The following CADM2 variants were observed in gnomAD, a reference collection of about 807,000 sequenced individuals.
CADM2 encodes immunoglobulin superfamily member 4D.
Under a neutral mutation model 49.8 loss-of-function variants are expected in CADM2, and 12 were observed. The observed-to-expected ratio is 0.24, with a 90% CI of 0.15 to 0.39. The LOEUF is 0.39. Ranked by LOEUF, CADM2 falls within the 10% of genes least tolerant of loss-of-function variation. The pLI, the probability that CADM2 is intolerant of heterozygous loss-of-function variation, is 1.00. For synonymous variants in CADM2, 214 were observed against 175.4 expected, an observed-to-expected ratio of 1.22 and a Z score of -1.74; for missense variants, 378 against 492.3, an observed-to-expected ratio of 0.77 and a Z score of 2.20.
chr3:85,356,326 T>C (rs1340342367), intron 1 of CADM2, among the ~76,000 whole-genome samples: 2 of 151,992 alleles, frequency 1.3e-5, no homozygotes, highest in Admixed American at 6.6e-5. Flanking sequence ...AAAAAAATAC[T>C]AGGGAGTTGC....
chr3:85,881,446 A>C (rs2108384732), intron 3 of CADM2, among the ~76,000 whole-genome samples: 1 of 152,172 alleles, frequency 6.6e-6, no homozygotes, highest in East Asian at 1.9e-4. Context: ...ATGACTAGTA[A>C]GTTTTTTTTA....
intron 1 of CADM2, among the ~76,000 whole-genome samples, chr3:85,292,316 T>A (rs1005606008): frequency 1.3e-5 from 2 of 150,570 alleles, no homozygotes; most frequent in African/African-American, 5.0e-5. Flanking sequence ...ACAAAGAGAC[T>A]TAGACTCCCA....
At chr3:85,005,742 C>T (rs2033687311) in intron 1 of CADM2, among the ~76,000 whole-genome samples, 1 of 151,152 alleles carries the variant, frequency 6.6e-6, no homozygotes, top group Non-Finnish European at 1.5e-5. Flanking sequence ...TTTTCACTGA[C>T]CTGATTTGGA....
intron 1 of CADM2, among the ~76,000 whole-genome samples, chr3:85,012,748 A>T (rs1337142866): frequency 6.6e-6 from 1 of 151,264 alleles, no homozygotes; most frequent in Non-Finnish European, 1.5e-5. Flanking sequence ...GAATTCAGTT[A>T]TAATTTATTT....
intron 1 of CADM2, among the ~76,000 whole-genome samples, chr3:85,092,896 G>A (rs2037651298): frequency 6.6e-6 from 1 of 152,086 alleles, no homozygotes. Context: ...TTACAGCTTT[G>A]AATTTACCTT....
rs796460502 is a variant in CADM2 at position 85,880,063 on chromosome 3, A to G, written c.239-3228A>G. On this transcript the variant is annotated intron_variant, in intron 3 of 9. Coordinates refer to ENST00000383699, the MANE Select transcript of CADM2 (RefSeq NM_001167675.2). Reference sequence around the variant, plus strand: ...CCAAACGCTGTTCTCTACCTCTATAATTTTGTTATCTCAAAACATCATATA... The same window carrying G: ...CCAAACGCTGTTCTCTACCTCTATAGTTTTGTTATCTCAAAACATCATATA... 1.2e-4 allele frequency among the ~76,000 whole-genome samples: 19 copies of G among 152,118 alleles called. 2 individuals carry two copies. In the South Asian group the frequency reaches 3.3e-3, roughly 27 times the overall value.
At chr3:85,393,240 T>C (rs1352930620) in intron 1 of CADM2, among the ~76,000 whole-genome samples, 1 of 152,120 alleles carries the variant, frequency 6.6e-6, no homozygotes, top group East Asian at 1.9e-4. Flanking sequence ...GTTTTGAGTT[T>C]AGGTGTTCAG....
At chr3:85,029,360 T>C (rs1337822325) in intron 1 of CADM2, among the ~76,000 whole-genome samples, 1 of 152,132 alleles carries the variant, frequency 6.6e-6, no homozygotes, top group Non-Finnish European at 1.5e-5. Flanking sequence ...AAAATGGTCT[T>C]TCTATGGTGT....
At chr3:85,246,298 G>T (rs1322466623) in intron 1 of CADM2, among the ~76,000 whole-genome samples, 1 of 152,040 alleles carries the variant, frequency 6.6e-6, no homozygotes, top group Non-Finnish European at 1.5e-5. Context: ...GCCTGTTGTG[G>T]GGTGGGGGAA....
In CADM2 at chr3:86,010,903, A is replaced by G. The variant is rs962313603; in HGVS notation, c.970+49256A>G. Among the ~76,000 whole-genome samples, 5 of 151,974 alleles carry G rather than the reference A, an allele frequency of 3.3e-5. 1 individual carries two copies. Among genetic ancestry groups the G allele is most frequent in the Middle Eastern group, 6.9e-3 (2 of 290 alleles). On this transcript the variant is annotated intron_variant, in intron 8 of 9. Coordinates refer to ENST00000383699, the MANE Select transcript of CADM2 (RefSeq NM_001167675.2). Reference sequence around the variant, plus strand: ...GAAAGAAAATGCATTTTATAACTCTAGGCATAGATATCTGAAAATCTATAT... The same window carrying G: ...GAAAGAAAATGCATTTTATAACTCTGGGCATAGATATCTGAAAATCTATAT...
At chr3:85,342,607 G>A (rs1269435001) in intron 1 of CADM2, among the ~76,000 whole-genome samples, 1 of 151,774 alleles carries the variant, frequency 6.6e-6, no homozygotes, top group African/African-American at 2.4e-5. Flanking sequence ...TGCCTTGTGG[G>A]ATCAAAAGGA....
intron 3 of CADM2, among the ~76,000 whole-genome samples, chr3:85,846,232 A>T (rs2074874258): frequency 6.6e-6 from 1 of 152,202 alleles, no homozygotes; most frequent in Admixed American, 6.5e-5. Context: ...ACTATTTGGA[A>T]TATTTTCTAG....
chr3:85,555,203 T>G (rs1000331162), intron 1 of CADM2, among the ~76,000 whole-genome samples: 13 of 152,182 alleles, frequency 8.5e-5, no homozygotes, highest in African/African-American at 3.1e-4. Flanking sequence ...AAAATGTGCT[T>G]TAAGGTGGCT....
intron 4 of CADM2, among the ~76,000 whole-genome samples, chr3:85,885,878 T>C (rs1324652146): frequency 1.4e-5 from 2 of 146,210 alleles, no homozygotes; most frequent in Non-Finnish European, 3.0e-5. Context: ...AAAATTACAA[T>C]TTAATTTAAA....
At chr3:85,133,355 G>T (rs2039297203) in intron 1 of CADM2, among the ~76,000 whole-genome samples, 1 of 152,178 alleles carries the variant, frequency 6.6e-6, no homozygotes, top group Non-Finnish European at 1.5e-5. Context: ...GCACTGATTG[G>T]TGCGTTTACA....
intron 1 of CADM2, among the ~76,000 whole-genome samples, chr3:85,409,227 A>T (rs2035546088): frequency 6.6e-6 from 1 of 152,072 alleles, no homozygotes; most frequent in African/African-American, 2.4e-5. Flanking sequence ...GATTTTTCTC[A>T]TACAGCTCAT....
intron 1 of CADM2, among the ~76,000 whole-genome samples, chr3:85,063,266 G>A (rs1026375697): frequency 6.6e-6 from 1 of 151,722 alleles, no homozygotes; most frequent in Non-Finnish European, 1.5e-5. Flanking sequence ...GTAATTAAAT[G>A]GAATCTTTTT....
chr3:85,978,175 A>G (rs1727024938), intron 8 of CADM2, among the ~76,000 whole-genome samples: 1 of 151,232 alleles, frequency 6.6e-6, no homozygotes, highest in East Asian at 2.0e-4. Context: ...ACAAGATTTG[A>G]CTCTCTGAGG....
chr3:85,274,051 G>A (rs1368720825), intron 1 of CADM2, among the ~76,000 whole-genome samples: 2 of 151,388 alleles, frequency 1.3e-5, no homozygotes, highest in African/African-American at 4.8e-5. Flanking sequence ...TGGATCAAAT[G>A]CTGTTGCTAG....
Sources: allele counts gnomAD v4.1 joint callset (sites outside exome capture counted in the v4.1 genomes callset), GRCh38; gene constraint gnomAD v4.1.1; transcripts MANE v1.5; gene names NCBI Gene and HGNC (gene_info 2026-07-23, HGNC 2026-07-21).